SINHCAF: variants seen among roughly 807,000 people sequenced by gnomAD.
SINHCAF encodes SIN3-HDAC complex associated factor, also known as SIN3-HDAC complex-associated factor.
In SINHCAF, 3 loss-of-function variants were observed where a neutral mutation model predicts 25.8. The ratio of observed to expected loss-of-function variants is 0.12; its 90% CI spans 0.05 to 0.30. The LOEUF is 0.30. Among genes scored for constraint, SINHCAF ranks in the 10% least tolerant of loss-of-function variants. The pLI is 1.00. For missense variants in SINHCAF, 121 were observed against 262.3 expected (o/e 0.46, Z 3.72); for synonymous variants, 70 against 85.5 (o/e 0.82, Z 1.00).
intron 5 of SINHCAF, among the ~76,000 whole-genome samples, chr12:31,284,707 C>G (rs1937961734): frequency 6.6e-6 from 1 of 152,098 alleles, no homozygotes; most frequent in Non-Finnish European, 1.5e-5. Context: ...TTGAACAGAC[C>G]ATTTTCGCCC....
chr12:31,285,154 A>C (rs1592953216), intron 5 of SINHCAF, among the ~76,000 whole-genome samples: 1 of 152,128 alleles, frequency 6.6e-6, no homozygotes, highest in East Asian at 1.9e-4. Context: ...TTGGGAGGCC[A>C]AGGCGAGCAG....
At chr12:31,301,861 A>G (rs1184431228) in intron 1 of SINHCAF, among the ~76,000 whole-genome samples, 2 of 152,188 alleles carry the variant, frequency 1.3e-5, no homozygotes, top group Non-Finnish European at 2.9e-5. Context: ...TGGGCGTGGC[A>G]TAACTTGATT....
At position 31,295,267 on chromosome 12, in the gene SINHCAF, C is replaced by T; in HGVS notation, c.195G>A (p.Lys65=). The T allele has an allele frequency of 1.2e-6, 2 of 1,609,390 alleles. No homozygotes were observed. The highest frequency in any genetic ancestry group is 1.7e-6 in the Non-Finnish European group (2 of 1,178,602). ...AGTTTTTTTTTGATCCTGCTGGCAA[C>T]TTCTTCCATCTTTTCACAAGCAGGA... The part of the protein sequence containing the change: ...ACVLLVKRWK[K]LPAGSKKNWN... The change falls in exon 3 of 6, where the codon AAG becomes AAA. Residue 65 remains lysine, a synonymous_variant. Transcript: ENST00000337682.
At chr12:31,292,199 T>C (rs1938356853) in intron 4 of SINHCAF, among the ~76,000 whole-genome samples, 1 of 152,132 alleles carries the variant, frequency 6.6e-6, no homozygotes, top group Non-Finnish European at 1.5e-5. Context: ...TCCCAAATGT[T>C]CATTAAAACA....
intron 1 of SINHCAF, among the ~76,000 whole-genome samples, chr12:31,307,739 A>G (rs1372581484): frequency 1.3e-5 from 2 of 152,212 alleles, no homozygotes; most frequent in East Asian, 3.8e-4. Flanking sequence ...AGAGGACCCC[A>G]TGACTATCTC....
In SINHCAF at chr12:31,281,176, G is replaced by C. The variant is rs1005957042; in HGVS notation, c.*1536C>G. ...GTTTCTCCCTCATTTTGAAAAGACT[G>C]AACTGGCAATGCTTTTCCTGAACAT... On this transcript the variant is annotated 3_prime_UTR_variant, in exon 6 of 6. Transcript: ENST00000337682. 6.6e-6 allele frequency: 1 copy of C among 152,168 alleles called. No individual in the cohort carries two copies. The highest frequency in any genetic ancestry group is 1.5e-5 in the Non-Finnish European group (1 of 68,020). 9.4% of individuals were successfully genotyped at this position (152,168 alleles called of 1,614,324 possible).
Position 31,282,297 on chromosome 12 carries a change from T to A in SINHCAF, c.*415A>T, listed in dbSNP as rs1937836490. 1.3e-5 allele frequency: 2 copies of A among 154,376 alleles called. No homozygotes were observed. Among genetic ancestry groups the A allele is most frequent in the Non-Finnish European group, 2.9e-5 (2 of 69,366 alleles). The allele number at this position is 154,376 out of a possible 1,614,324, so 9.6% of individuals were successfully genotyped here. A position where few individuals can be genotyped will look rare whatever the true frequency, so the allele number is the denominator to read the frequency against. On this transcript the variant is annotated 3_prime_UTR_variant, in exon 6 of 6. Coordinates refer to ENST00000337682, the MANE Select transcript of SINHCAF (RefSeq NM_001135812.2). ...TAAATATTATATACAACTCTTTTTT[T>A]AGTAAGCTAGACACTGGCTTCAGAG...
At chr12:31,308,861 C>T (rs1939140967) in intron 1 of SINHCAF, among the ~76,000 whole-genome samples, 1 of 152,096 alleles carries the variant, frequency 6.6e-6, no homozygotes, top group Admixed American at 6.5e-5. Context: ...GGCACAGTGG[C>T]TCACACCTAT....
At chr12:31,285,624 A>G (rs1316201259) in intron 5 of SINHCAF, among the ~76,000 whole-genome samples, 1 of 152,036 alleles carries the variant, frequency 6.6e-6, no homozygotes, top group Non-Finnish European at 1.5e-5. Context: ...GTAACCTTAA[A>G]CAAAGTACTT....
At chr12:31,302,899 CACAAAGGGTCAG>C (rs1938866297) in intron 1 of SINHCAF, 1 of 981,462 alleles carries the variant, frequency 1.0e-6, no homozygotes, top group African/African-American at 1.8e-5. Context: ...GTTACAAATG[CACAAAGGGTCAG>C]CCTTAGTTAA....
In SINHCAF at chr12:31,282,222, A is replaced by C. The variant is rs897523286; in HGVS notation, c.*490T>G. On this transcript the variant is annotated 3_prime_UTR_variant, in exon 6 of 6. Coordinates refer to ENST00000337682, the MANE Select transcript of SINHCAF (RefSeq NM_001135812.2). ...GGGGATTAAAAAAAAAAAAGACTTA[A>C]AGAGCACTTTACAGCAGCATTCAGC... 6.6e-6 allele frequency: 1 copy of C among 152,626 alleles called. No individual in the cohort carries two copies. The highest frequency in any genetic ancestry group is 1.5e-5 in the Non-Finnish European group (1 of 68,074). 9.5% of individuals were successfully genotyped at this position (152,626 alleles called of 1,614,324 possible). A position where few individuals can be genotyped will look rare whatever the true frequency, so the allele number is the denominator to read the frequency against.
chr12:31,285,418 T>TATATACACACAC (rs1555110957), intron 5 of SINHCAF, among the ~76,000 whole-genome samples: 2 of 141,356 alleles, frequency 1.4e-5, no homozygotes, highest in African/African-American at 5.3e-5. Context: ...TATATATACA[T>TATATACACACAC]ACACACACAC....
At chr12:31,314,189 G>C (rs1297276512) in intron 1 of SINHCAF, among the ~76,000 whole-genome samples, 1 of 151,928 alleles carries the variant, frequency 6.6e-6, no homozygotes, top group Non-Finnish European at 1.5e-5. Context: ...GAAAGAGATG[G>C]CAGAAGAAGA....
At chr12:31,319,722 G>A (rs778023652) in intron 1 of SINHCAF, among the ~76,000 whole-genome samples, 6 of 152,028 alleles carry the variant, frequency 3.9e-5, no homozygotes, top group Middle Eastern at 6.8e-3. Flanking sequence ...CAATCCACTC[G>A]CAGGAAGTTA....
chr12:31,302,269 T>C (rs751911693), intron 1 of SINHCAF, among the ~76,000 whole-genome samples: 2 of 151,666 alleles, frequency 1.3e-5, no homozygotes, highest in Non-Finnish European at 2.9e-5. Context: ...AATAGTGGTA[T>C]GGTTGCAAAA....
chr12:31,308,209 G>T (rs1319260008), intron 1 of SINHCAF, among the ~76,000 whole-genome samples: 2 of 152,034 alleles, frequency 1.3e-5, no homozygotes, highest in African/African-American at 4.8e-5. Flanking sequence ...CAAAGTGCTG[G>T]GATTACAGGC....
intron 4 of SINHCAF, among the ~76,000 whole-genome samples, chr12:31,289,679 G>A (rs1294914852): frequency 2.0e-5 from 3 of 151,978 alleles, no homozygotes; most frequent in African/African-American, 7.3e-5. Context: ...CCCATCCCAG[G>A]ACACGTTGAC....
rs780262795 is a variant in SINHCAF at position 31,324,006 on chromosome 12, G to C, written c.-21+2018C>G. Reference sequence around the variant, plus strand: ...GACTGCCGAGAGAGACGCCGAGCCAGCAAGTAAGAATGCTCCCTGGTGGAT... The same window carrying C: ...GACTGCCGAGAGAGACGCCGAGCCACCAAGTAAGAATGCTCCCTGGTGGAT... On this transcript the variant is annotated intron_variant, in intron 1 of 5. Coordinates refer to ENST00000337682, the MANE Select transcript of SINHCAF (RefSeq NM_001135812.2). The surrounding 1 kb of genome is among the most constrained non-coding windows in gnomAD (Gnocchi z 5.5). 9 of 455,492 alleles carry C rather than the reference G, an allele frequency of 2.0e-5. No homozygotes were observed. In the Admixed American group the frequency reaches 2.1e-4, roughly 11 times the overall value. The allele number at this position is 455,492 out of a possible 1,614,324, so 28.2% of individuals were successfully genotyped here.
intron 1 of SINHCAF, chr12:31,303,013 T>C: frequency 1.0e-6 from 1 of 985,304 alleles, no homozygotes; most frequent in Non-Finnish European, 1.2e-6. Flanking sequence ...ATCATCTATC[T>C]GTCTATCTAC....
Sources: allele counts gnomAD v4.1 joint callset (sites outside exome capture counted in the v4.1 genomes callset), GRCh38; gene constraint gnomAD v4.1.1; non-coding constraint Gnocchi (gnomAD v3.1); transcripts MANE v1.5; gene names NCBI Gene and HGNC (gene_info 2026-07-23, HGNC 2026-07-21).